The following FHIP1B variants were observed in gnomAD, a reference collection of about 807,000 sequenced individuals.
The protein encoded by FHIP1B is FHF complex subunit HOOK-interacting protein 1B.
In FHIP1B, 28 loss-of-function variants were observed where a neutral mutation model predicts 82.2. That is an observed-to-expected ratio of 0.34 (90% CI 0.25 to 0.47). FHIP1B has a LOEUF of 0.47. FHIP1B is among the 20% of genes least tolerant of loss of function. The pLI, the probability that FHIP1B is intolerant of heterozygous loss-of-function variation, is 1.00. For missense variants in FHIP1B, 1,110 were observed against 1,262.6 expected (o/e 0.88, Z 1.83); for synonymous variants, 585 against 516.1 (o/e 1.13, Z -1.81).
chr11:6,219,608 C>T (rs1337365760), intron 6 of FHIP1B, among the ~76,000 whole-genome samples: 1 of 152,116 alleles, frequency 6.6e-6, no homozygotes, highest in Non-Finnish European at 1.5e-5. Context: ...ACAACTCAAG[C>T]GCAGCTGACA....
At chr11:6,231,607 A>G (rs2133853639) in intron 1 of FHIP1B, among the ~76,000 whole-genome samples, 1 of 151,638 alleles carries the variant, frequency 6.6e-6, no homozygotes, top group African/African-American at 2.4e-5. Context: ...AGTAGCCAGG[A>G]CCACAAGTAT....
At chr11:6,232,042 A>G (rs1027894742) in intron 1 of FHIP1B, among the ~76,000 whole-genome samples, 3 of 152,238 alleles carry the variant, frequency 2.0e-5, no homozygotes, top group African/African-American at 7.2e-5. Context: ...GGCACAGAGC[A>G]GATATGGAAT....
rs573156575 is a variant in FHIP1B at position 6,218,024 on chromosome 11, G to C, written c.1562C>G (p.Pro521Arg). The change falls in exon 9 of 12, where the codon CCT becomes CGT. Residue 521 changes from proline (P) to arginine (R), a missense_variant. By Grantham distance (103) the Pro-to-Arg change is moderately radical. Around this residue, in one of 6 missense-constraint regions of FHIP1B, gnomAD observed 418 missense variants for 371.4 expected, o/e 1.13. Coordinates refer to ENST00000449352, the MANE Select transcript of FHIP1B (RefSeq NM_001098794.2). ...LGGSESPGPAPCSPGLSASPA... is the reference protein window; with the variant it reads ...LGGSESPGPARCSPGLSASPA... ...GGATGCAGAAAGCCCTGGTGAGCAA[G>C]GGGCTGGGCCTGGAGACTCAGAGCC... The C allele has an allele frequency of 1.1e-5, 17 of 1,613,442 alleles. No homozygotes were observed. Among genetic ancestry groups the C allele is most frequent in the Non-Finnish European group, 1.4e-5 (17 of 1,179,828 alleles).
chr11:6,214,993 A>AC (rs1847186037), intron 9 of FHIP1B, 82 bp from the exon 10 acceptor site: 1 of 1,298,070 alleles, frequency 7.7e-7, no homozygotes, highest in African/African-American at 1.5e-5. Context: ...AAAACAAGAG[A>AC]CCCCCACCAG....
rs149153168 is a variant in FHIP1B at position 6,214,425 on chromosome 11, C to T, written c.2543G>A (p.Arg848His). ...EGPAAGPAPR[R>H]SDPLVKSRRP... ...ATAGGCCTCACCTAGGGGATCAGAA[C>T]GGCGTGGGGCAGGTCCTGCTGCAGG... Residue 848 changes from arginine to histidine, a missense_variant, in exon 11 of 12, where the codon CGT (arginine) becomes CAT (histidine). Physicochemically the swap from Arg to His is conservative, Grantham distance 29 (BLOSUM62 0). Transcript: ENST00000449352. The T allele has an allele frequency of 6.2e-6, 10 of 1,610,650 alleles. No homozygotes were observed. In the African/African-American group the frequency reaches 6.7e-5, roughly 11 times the overall value.
intron 1 of FHIP1B, among the ~76,000 whole-genome samples, chr11:6,231,627 C>T (rs926125128): frequency 6.6e-6 from 1 of 151,944 alleles, no homozygotes; most frequent in Non-Finnish European, 1.5e-5. Context: ...TGTGCAACCA[C>T]ACCTGGCTAA....
chr11:6,211,630 G>A lies in FHIP1B; in HGVS notation c.2795C>T (p.Pro932Leu). The A allele has an allele frequency of 1.2e-6, 2 of 1,614,228 alleles. No individual in the cohort carries two copies. The highest frequency in any genetic ancestry group is 1.7e-6 in the Non-Finnish European group (2 of 1,180,028). ...KNAVYCAVIFPEFLKELAAIS... is the reference protein window; with the variant it reads ...KNAVYCAVIFLEFLKELAAIS... ...GGCAGCCAACTCCTTGAGAAATTCA[G>A]GGAAAATGACTGCACAGTAGACAGC... is the stretch of plus-strand genomic sequence containing the variant. Residue 932 changes from proline (P) to leucine (L), a missense_variant, in exon 12 of 12, where the codon CCT (proline) becomes CTT (leucine). By Grantham distance (98) the Pro-to-Leu change is moderately conservative. Around this residue, in one of 6 missense-constraint regions of FHIP1B, gnomAD observed 10 missense variants for 33.2 expected, o/e 0.30. Transcript: ENST00000449352.
intron 1 of FHIP1B, among the ~76,000 whole-genome samples, chr11:6,234,211 C>T (rs1453491772): frequency 6.6e-6 from 1 of 152,086 alleles, no homozygotes; most frequent in Non-Finnish European, 1.5e-5. Context: ...CTCCCACCTG[C>T]GCCTTTTACT....
In FHIP1B at chr11:6,223,723, G is replaced by A. The variant is rs1564866543; in HGVS notation, c.664C>T (p.Arg222Ter). 1.2e-6 allele frequency: 2 copies of A among 1,614,218 alleles called. No individual in the cohort carries two copies. The highest frequency in any genetic ancestry group is 8.5e-7 in the Non-Finnish European group (1 of 1,180,026). The change falls in exon 3 of 12, where the codon CGA becomes TGA. Residue 222 changes from arginine (R) to a stop codon, truncating the protein, a stop_gained. Coordinates refer to ENST00000449352, the MANE Select transcript of FHIP1B (RefSeq NM_001098794.2). LOFTEE classifies it high-confidence loss of function. The surrounding 1 kb of genome is among the most constrained non-coding windows in gnomAD (Gnocchi z 4.8). Reference protein sequence around the residue: ...LFSRLVPFVHREGTLGQQARD... With the variant: ...LFSRLVPFVH ...GCCTGCTGGCCCAGGGTGCCCTCTCGATGCACAAAAGGGACAAGGCGAGAA... is the reference window on the plus strand; with the variant it reads ...GCCTGCTGGCCCAGGGTGCCCTCTCAATGCACAAAAGGGACAAGGCGAGAA...
At chr11:6,220,811 T>C (rs1847385930) in intron 6 of FHIP1B, among the ~76,000 whole-genome samples, 1 of 151,998 alleles carries the variant, frequency 6.6e-6, no homozygotes, top group Admixed American at 6.6e-5. Context: ...AAACAACAGA[T>C]AAAACCTCAA....
chr11:6,211,373 A>T lies in FHIP1B; in HGVS notation c.*133T>A. On this transcript the variant is annotated 3_prime_UTR_variant, in exon 12 of 12. Transcript: ENST00000449352. ...AGATTTCCCTTTTATACATATTGCA[A>T]CAAGTTCTCCATAAAACATTCATCT... is the stretch of plus-strand genomic sequence containing the variant. 8.1e-7 allele frequency: 1 copy of T among 1,241,536 alleles called. No individual in the cohort carries two copies. Among genetic ancestry groups the T allele is most frequent in the South Asian group, 1.6e-5 (1 of 62,418 alleles). The allele number at this position is 1,241,536 out of a possible 1,614,324, so 76.9% of individuals were successfully genotyped here.
Position 6,211,571 on chromosome 11 carries a change from A to G in FHIP1B, c.2854T>C (p.Leu952=). 1 of 1,614,120 alleles carries G rather than the reference A, an allele frequency of 6.2e-7. No individual in the cohort carries two copies. The highest frequency in any genetic ancestry group is 1.1e-5 in the South Asian group (1 of 91,072). ...SQAHAVTSPF[L]LETSEEGSGP... is the part of the protein sequence containing the mutation. Reference sequence around the variant, plus strand: ...GATCCTTCCTCTGAAGTCTCCAACAAGAAAGGCGAGGTGACGGCATGAGCC... The same window carrying G: ...GATCCTTCCTCTGAAGTCTCCAACAGGAAAGGCGAGGTGACGGCATGAGCC... Residue 952 remains leucine, a synonymous_variant, in exon 12 of 12, where the codon TTG becomes CTG. Coordinates refer to ENST00000449352, the MANE Select transcript of FHIP1B (RefSeq NM_001098794.2).
In FHIP1B at chr11:6,223,236, C is replaced by G. The variant is rs749668256; in HGVS notation, c.780G>C (p.Val260=). The change falls in exon 4 of 12, where the codon GTG becomes GTC. Residue 260 remains valine, a splice_region_variant and synonymous_variant. Coordinates refer to ENST00000449352, the MANE Select transcript of FHIP1B (RefSeq NM_001098794.2). The surrounding 1 kb of genome is among the most constrained non-coding windows in gnomAD (Gnocchi z 4.8). The part of the protein sequence containing the change: ...YIADHSYFCP[V]LATGLSALYS... ...ACAGGGCACTGAGCCCTGTGGCCAGCACCTATGAGAAGTTACCAAAAGCTC... is the reference window on the plus strand; with the variant it reads ...ACAGGGCACTGAGCCCTGTGGCCAGGACCTATGAGAAGTTACCAAAAGCTC... 16 of 1,585,172 alleles carry G rather than the reference C, an allele frequency of 1.0e-5. No individual in the cohort carries two copies. Among genetic ancestry groups the G allele is most frequent in the Non-Finnish European group, 1.4e-5 (16 of 1,173,304 alleles).
intron 1 of FHIP1B, among the ~76,000 whole-genome samples, chr11:6,227,542 A>G (rs1439832411): frequency 6.6e-6 from 1 of 152,236 alleles, no homozygotes; most frequent in Admixed American, 6.5e-5. Context: ...GAGGTTGAGT[A>G]CAGTTTTGAA....
intron 11 of FHIP1B, among the ~76,000 whole-genome samples, chr11:6,213,216 T>C (rs1181741299): frequency 6.6e-6 from 1 of 152,244 alleles, no homozygotes; most frequent in African/African-American, 2.4e-5. Flanking sequence ...CAGTAACTTT[T>C]ATGGTACTCT....
intron 1 of FHIP1B, among the ~76,000 whole-genome samples, chr11:6,229,363 T>C (rs1326673903): frequency 6.6e-6 from 1 of 152,234 alleles, no homozygotes; most frequent in Non-Finnish European, 1.5e-5. Flanking sequence ...CTATGTAGCA[T>C]TCCAACCATA....
At chr11:6,226,853 C>G (rs1847578368) in intron 1 of FHIP1B, among the ~76,000 whole-genome samples, 1 of 152,114 alleles carries the variant, frequency 6.6e-6, no homozygotes, top group Admixed American at 6.5e-5. Flanking sequence ...AAAAATACAT[C>G]AGGTAACAGA....
intron 1 of FHIP1B, among the ~76,000 whole-genome samples, chr11:6,232,829 C>T (rs1363326052): frequency 6.6e-6 from 1 of 151,954 alleles, no homozygotes; most frequent in Non-Finnish European, 1.5e-5. Context: ...TGGGTTGACA[C>T]TTTTTATTTG....
In FHIP1B at chr11:6,214,556, C is replaced by A; in HGVS notation, c.2412G>T (p.Lys804Asn). Residue 804 changes from lysine to asparagine, a missense_variant, in exon 11 of 12, where the codon AAG becomes AAT. Physicochemically the swap from Lys to Asn is moderately conservative, Grantham distance 94. Coordinates refer to ENST00000449352, the MANE Select transcript of FHIP1B (RefSeq NM_001098794.2). ...AAGCCGCAAAGTTCTCAATCTTATT[C>A]TTCACAGAGCCCAGCACCTATGAAG... ...KSLLQVLGSV[K>N]NKIENFAASQ... 1.9e-6 allele frequency: 3 copies of A among 1,613,188 alleles called. No individual in the cohort carries two copies. The highest frequency in any genetic ancestry group is 1.7e-5 in the Admixed American group (1 of 59,956).
Sources: allele counts gnomAD v4.1 joint callset (sites outside exome capture counted in the v4.1 genomes callset), GRCh38; gene constraint gnomAD v4.1.1; regional missense constraint gnomAD v4.1.1; non-coding constraint Gnocchi (gnomAD v3.1); transcripts MANE v1.5; gene names NCBI Gene and HGNC (gene_info 2026-07-23, HGNC 2026-07-21).